The following SV2B variants were observed in gnomAD, a reference collection of about 807,000 sequenced individuals.
SV2B encodes solute carrier family 22 member B2.
A neutral mutation model predicts 73.9 loss-of-function variants in SV2B; 41 were observed. The observed-to-expected ratio is 0.56, with a 90% CI of 0.43 to 0.72. The LOEUF (loss-of-function observed/expected upper bound fraction) is 0.72. Among genes scored for constraint, SV2B ranks in the 30% least tolerant of loss-of-function variants. SV2B has a pLI of 0.00. For synonymous variants in SV2B, 314 were observed against 314.2 expected, an observed-to-expected ratio of 1.00 and a Z score of 0.01; for missense variants, 764 against 857.8, an observed-to-expected ratio of 0.89 and a Z score of 1.37.
chr15:91,209,870 G>T (rs1365242469), intron 1 of SV2B, among the ~76,000 whole-genome samples: 1 of 152,138 alleles, frequency 6.6e-6, no homozygotes, highest in Admixed American at 6.5e-5. Context: ...CCAGGATTTG[G>T]AGCAGAGCCC....
At chr15:91,162,586 T>TC (rs2043761021) in intron 1 of SV2B, among the ~76,000 whole-genome samples, 1 of 152,186 alleles carries the variant, frequency 6.6e-6, no homozygotes, top group Non-Finnish European at 1.5e-5. Flanking sequence ...GACTGGATTC[T>TC]CTGCTCAGGG....
rs541943356 is a variant in SV2B at position 91,204,731 on chromosome 15, A to G, written c.-391-21142A>G. Among the ~76,000 whole-genome samples the G allele has an allele frequency of 7.9e-5, 12 of 151,304 alleles. No homozygotes were observed. The South Asian group carries it at 2.5e-3, about 32-fold the overall frequency. On this transcript the variant is annotated intron_variant, in intron 1 of 12. Transcript: ENST00000394232. ...AGTCACCATGCCCGGCTAATTTTTA[A>G]ATTTTTTGTAGAGATGAAGTCTTGC...
At chr15:91,216,766 TA>T (rs2046042845) in intron 1 of SV2B, among the ~76,000 whole-genome samples, 1 of 135,584 alleles carries the variant, frequency 7.4e-6, no homozygotes, top group East Asian at 1.9e-4. Flanking sequence ...ATTTAACTTG[TA>T]TTTTTTTTTT....
chr15:91,239,115 A>G lies in SV2B; in HGVS notation c.451+12401A>G, dbSNP rs1490803833. On this transcript the variant is annotated intron_variant, in intron 2 of 12. Transcript: ENST00000394232. The surrounding 1 kb of genome is among the most constrained non-coding windows in gnomAD (Gnocchi z 5.1). Reference sequence around the variant, plus strand: ...AGGGGGTGTGATAGAAGGTCCTGGAAATGTAATAGCCTTTGAAATGCCCCA... The same window carrying G: ...AGGGGGTGTGATAGAAGGTCCTGGAGATGTAATAGCCTTTGAAATGCCCCA... 6.6e-6 allele frequency among the ~76,000 whole-genome samples: 1 copy of G among 152,162 alleles called. No individual in the cohort carries two copies. The highest frequency in any genetic ancestry group is 1.5e-5 in the Non-Finnish European group (1 of 68,034).
At chr15:91,168,859 A>G (rs1425780006) in intron 1 of SV2B, among the ~76,000 whole-genome samples, 4 of 152,366 alleles carry the variant, frequency 2.6e-5, no homozygotes, top group Non-Finnish European at 4.4e-5. Flanking sequence ...TTCCAGAACC[A>G]GAAGTCCCAG....
intron 1 of SV2B, among the ~76,000 whole-genome samples, chr15:91,193,730 G>A (rs2045135393): frequency 6.6e-6 from 1 of 152,132 alleles, no homozygotes; most frequent in African/African-American, 2.4e-5. Context: ...TTAACATGAG[G>A]ACTAATTTTC....
chr15:91,144,111 A>G lies in SV2B; in HGVS notation c.-392+43748A>G, dbSNP rs1259668292. On this transcript the variant is annotated intron_variant, in intron 1 of 12. Transcript: ENST00000394232. ...GGAAAATGTTATTTACTCTAGTAGT[A>G]CTTGTTGGTGATGCCACACATATTT... is the stretch of plus-strand genomic sequence containing the variant. 2.6e-5 allele frequency among the ~76,000 whole-genome samples: 4 copies of G among 152,356 alleles called. No homozygotes were observed. In the South Asian group the frequency reaches 6.2e-4, roughly 24 times the overall value.
chr15:91,252,691 A>G lies in SV2B; in HGVS notation c.784+171A>G, dbSNP rs78068964. 0.022 allele frequency among the ~76,000 whole-genome samples: 3,343 copies of G among 152,058 alleles called. 59 individuals are homozygous for G. Among genetic ancestry groups the G allele is most frequent in the Non-Finnish European group, 0.036 (2,422 of 67,964 alleles). ...GCAGACACATTGTTAATTTCAATTC[A>G]ATGTCTTTTTTGAAAAATATATCCT... On this transcript the variant is annotated intron_variant, in intron 4 of 12. Transcript: ENST00000394232. The surrounding 1 kb of genome is among the most constrained non-coding windows in gnomAD (Gnocchi z 4.6).
rs1019431321 is a variant in SV2B at position 91,115,323 on chromosome 15, C to T, written c.-392+14960C>T. Among the ~76,000 whole-genome samples the T allele has an allele frequency of 1.3e-5, 2 of 152,148 alleles. No individual in the cohort carries two copies. The highest frequency in any genetic ancestry group is 4.8e-5 in the African/African-American group (2 of 41,420). On this transcript the variant is annotated intron_variant, in intron 1 of 12. Coordinates refer to ENST00000394232, the MANE Select transcript of SV2B (RefSeq NM_001323032.3). The surrounding 1 kb of genome is among the most constrained non-coding windows in gnomAD (Gnocchi z 4.3). ...TGAAATAAAGATAACACAGTGCTACCTTTGTTGGTGAGTGTTGACGACTTT... is the reference window on the plus strand; with the variant it reads ...TGAAATAAAGATAACACAGTGCTACTTTTGTTGGTGAGTGTTGACGACTTT...
chr15:91,165,605 C>T (rs2043886271), intron 1 of SV2B, among the ~76,000 whole-genome samples: 1 of 152,114 alleles, frequency 6.6e-6, no homozygotes, highest in African/African-American at 2.4e-5. Context: ...TCTATGAATT[C>T]TGAGGAATGA....
In SV2B at chr15:91,252,057, G is replaced by A. The variant is rs2047509202; in HGVS notation, c.632+58G>A. The stretch of plus-strand genomic sequence containing the variant: ...CCAGACCAATGGCCCATCCATTCTG[G>A]TATTCTAGCTCCAAGAGGTAACTCT... On this transcript the variant is annotated intron_variant, in intron 3 of 12. Coordinates refer to ENST00000394232, the MANE Select transcript of SV2B (RefSeq NM_001323032.3). This position sits in a 1 kb window ranked among gnomAD's most constrained non-coding sequence, Gnocchi z 4.6. The A allele has an allele frequency of 6.3e-7, 1 of 1,579,282 alleles. No individual in the cohort carries two copies.
chr15:91,244,214 A>G (rs999948131), intron 2 of SV2B, among the ~76,000 whole-genome samples: 1 of 152,242 alleles, frequency 6.6e-6, no homozygotes, highest in Non-Finnish European at 1.5e-5. Flanking sequence ...TTGGAATGAC[A>G]AATTGAAATT....
intron 1 of SV2B, among the ~76,000 whole-genome samples, chr15:91,157,967 A>G (rs546775768): frequency 6.6e-6 from 1 of 152,062 alleles, no homozygotes; most frequent in South Asian, 2.1e-4. Flanking sequence ...GCAGGTGGGG[A>G]GCACTGGTTT....
intron 1 of SV2B, among the ~76,000 whole-genome samples, chr15:91,175,165 C>T (rs139461247): frequency 3.9e-5 from 6 of 152,120 alleles, no homozygotes; most frequent in Middle Eastern, 6.8e-3. Context: ...ACCTTTTCCC[C>T]ACTAATAAAA....
At chr15:91,206,719 C>G (rs1322791991) in intron 1 of SV2B, among the ~76,000 whole-genome samples, 3 of 152,060 alleles carry the variant, frequency 2.0e-5, no homozygotes, top group East Asian at 1.9e-4. Flanking sequence ...AGCTGGTATA[C>G]TCATAGGATA....
chr15:91,249,462 C>T (rs1445201527), intron 2 of SV2B, among the ~76,000 whole-genome samples: 1 of 152,152 alleles, frequency 6.6e-6, no homozygotes, highest in East Asian at 1.9e-4. Context: ...GGAACCATTC[C>T]TCACTTGACA....
intron 1 of SV2B, among the ~76,000 whole-genome samples, chr15:91,208,559 G>T (rs1326916250): frequency 1.3e-5 from 2 of 152,196 alleles, no homozygotes; most frequent in African/African-American, 4.8e-5. Context: ...GATGCCTGAT[G>T]CAGGAATTGT....
chr15:91,111,853 A>G (rs1414285029), intron 1 of SV2B, among the ~76,000 whole-genome samples: 2 of 152,150 alleles, frequency 1.3e-5, no homozygotes, highest in Non-Finnish European at 2.9e-5. Flanking sequence ...ACATGGCAGA[A>G]GCAGGAGCAA....
chr15:91,272,231 A>G (rs138378335), intron 9 of SV2B, among the ~76,000 whole-genome samples: 174 of 152,332 alleles, frequency 1.1e-3, no homozygotes, highest in Non-Finnish European at 1.8e-3. Flanking sequence ...GAATAAGTTC[A>G]TGTTTTAAAC....
Sources: allele counts gnomAD v4.1 joint callset (sites outside exome capture counted in the v4.1 genomes callset), GRCh38; gene constraint gnomAD v4.1.1; non-coding constraint Gnocchi (gnomAD v3.1); transcripts MANE v1.5; gene names NCBI Gene and HGNC (gene_info 2026-07-23, HGNC 2026-07-21).